SI: variants seen among roughly 807,000 people sequenced by gnomAD.
SI encodes sucrase-isomaltase, intestinal.
In SI, 235 loss-of-function variants were observed where a neutral mutation model predicts 253.3. That is an observed-to-expected ratio of 0.93 (90% confidence interval 0.83 to 1.03). The LOEUF (loss-of-function observed/expected upper bound fraction) is 1.03. Ranked by LOEUF, SI falls within the 50% of genes least tolerant of loss-of-function variation. The pLI, the probability that SI is intolerant of heterozygous loss-of-function variation, is 0.00. For missense variants in SI, 2,442 were observed against 2,211.1 expected (o/e 1.10, Z -2.09); for synonymous variants, 819 against 712.0 (o/e 1.15, Z -2.39).
intron 25 of SI, among the ~76,000 whole-genome samples, chr3:165,028,946 CT>C (rs1712075035): frequency 1.3e-5 from 2 of 151,512 alleles, no homozygotes; most frequent in Admixed American, 6.6e-5. Context: ...AAACTAAGAT[CT>C]TTTGCAGTGC....
chr3:165,043,198 AT>A, intron 16 of SI, 23 bp from the exon 17 acceptor site: 1 of 1,489,218 alleles, frequency 6.7e-7, no homozygotes, highest in Non-Finnish European at 9.3e-7. Context: ...TATATTTACT[AT>A]TTATAATGTT....
intron 36 of SI, 100 bp from the exon 37 acceptor site, chr3:165,007,054 G>A: frequency 2.2e-6 from 2 of 895,210 alleles, no homozygotes; most frequent in South Asian, 1.6e-5. Context: ...AAATTAATCA[G>A]TGTTTTATAA....
In SI at chr3:165,059,203, A is replaced by T; in HGVS notation, c.1243T>A (p.Leu415Met). ...ACATATTTCTGTCCATGGTCATGCAAATCTTGCACAAATTGAGGGAGTCCG... is the reference window on the plus strand; with the variant it reads ...ACATATTTCTGTCCATGGTCATGCATATCTTGCACAAATTGAGGGAGTCCG... ...FNGLPQFVQDLHDHGQKYVII... is the reference protein window; with the variant it reads ...FNGLPQFVQDMHDHGQKYVII... Residue 415 changes from leucine (L) to methionine (M), a missense_variant, in exon 11 of 48, where the codon TTG becomes ATG. Leu to Met is a conservative substitution (Grantham distance 15). Coordinates refer to ENST00000264382, the MANE Select transcript of SI (RefSeq NM_001041.4). 6.2e-7 allele frequency: 1 copy of T among 1,612,850 alleles called. No homozygotes were observed. The highest frequency in any genetic ancestry group is 1.7e-5 in the Admixed American group (1 of 59,788).
In SI at chr3:165,021,291, A is replaced by C; in HGVS notation, c.3192T>G (p.Asp1064Glu). The C allele has an allele frequency of 6.2e-7, 1 of 1,611,496 alleles. No individual in the cohort carries two copies. Among genetic ancestry groups the C allele is most frequent in the Non-Finnish European group, 8.5e-7 (1 of 1,178,216 alleles). ...PISTYEDRLY[D>E]VEIKENPFGI... ...CAAAAGGATTTTCCTTGATTTCCACATCATAAAGTCTGTCTTCATAAGTAC... is the reference window on the plus strand; with the variant it reads ...CAAAAGGATTTTCCTTGATTTCCACCTCATAAAGTCTGTCTTCATAAGTAC... Residue 1064 changes from aspartate (D) to glutamate (E), a missense_variant, in exon 27 of 48, where the codon GAT becomes GAG. Physicochemically the swap from Asp to Glu is conservative, Grantham distance 45 (BLOSUM62 2). Coordinates refer to ENST00000264382, the MANE Select transcript of SI (RefSeq NM_001041.4).
chr3:165,088,025 A>C, the SI span, among the ~76,000 whole-genome samples: 1 of 152,182 alleles, frequency 6.6e-6, no homozygotes, highest in African/African-American at 2.4e-5. Flanking sequence ...AAGACAATAA[A>C]AAATTCATAT....
At chr3:165,038,590 G>C (rs1712661315) in intron 20 of SI, among the ~76,000 whole-genome samples, 3 of 150,846 alleles carry the variant, frequency 2.0e-5, no homozygotes. Flanking sequence ...TTGCTCAAAA[G>C]GTCTTGTTCA....
upstream of SI, among the ~76,000 whole-genome samples, chr3:165,080,610 G>A (rs1715278139): frequency 6.6e-6 from 1 of 152,004 alleles, no homozygotes. Flanking sequence ...TAGGGACATG[G>A]ATGAAGCTGG....
At chr3:165,070,063 C>T (rs1018256572) in intron 3 of SI, among the ~76,000 whole-genome samples, 6 of 145,692 alleles carry the variant, frequency 4.1e-5, no homozygotes, top group South Asian at 2.1e-4. Context: ...CACACACACA[C>T]GTATATAATA....
At chr3:164,988,443 T>C (rs777449907) in intron 44 of SI, among the ~76,000 whole-genome samples, 22 of 152,198 alleles carry the variant, frequency 1.4e-4, no homozygotes, top group Non-Finnish European at 2.8e-4. Flanking sequence ...TACAACTTTC[T>C]ATACTGTACA....
chr3:165,015,877 T>A, intron 32 of SI, 75 bp downstream of exon 32: 2 of 1,293,940 alleles, frequency 1.5e-6, no homozygotes, highest in Middle Eastern at 1.9e-4. Context: ...TTGAAACATC[T>A]TCCCCCCCAC....
At chr3:165,064,135 T>A (rs1714111081) in intron 7 of SI, among the ~76,000 whole-genome samples, 5 of 151,934 alleles carry the variant, frequency 3.3e-5, no homozygotes, top group Admixed American at 3.3e-4. Flanking sequence ...GATAAGGTAA[T>A]GGCATGTTTA....
intron 21 of SI, 76 bp downstream of exon 21, chr3:165,037,824 C>T (rs1378707828): frequency 1.9e-6 from 2 of 1,066,564 alleles, no homozygotes; most frequent in Admixed American, 4.0e-5. Flanking sequence ...AATATTATCT[C>T]TAATTCTTAA....
chr3:165,080,812 T>A (rs1214011490), upstream of SI, among the ~76,000 whole-genome samples: 2 of 151,874 alleles, frequency 1.3e-5, no homozygotes, highest in African/African-American at 4.8e-5. Context: ...AATGACTAGT[T>A]AATGGGTGCA....
intron 9 of SI, among the ~76,000 whole-genome samples, chr3:165,060,811 A>G (rs1337313834): frequency 1.4e-5 from 2 of 147,308 alleles, no homozygotes; most frequent in African/African-American, 4.9e-5. Context: ...GCTTTTATAT[A>G]CATATCATAT....
rs566771130 is a variant in SI at position 165,067,365 on chromosome 3, T to C, written c.610A>G (p.Ile204Val). ...AAAGTTTTACCGTTGCTTTTCCTAATAACTTGGATGCTAAATGGGTTTTGG... is the reference window on the plus strand; with the variant it reads ...AAAGTTTTACCGTTGCTTTTCCTAACAACTTGGATGCTAAATGGGTTTTGG... Reference protein sequence around the residue: ...VAQNPFSIQVIRKSNGKTLFD... With the variant: ...VAQNPFSIQVVRKSNGKTLFD... Residue 204 changes from isoleucine (I) to valine (V), a missense_variant, in exon 6 of 48, where the codon ATT becomes GTT. Physicochemically the swap from Ile to Val is conservative, Grantham distance 29. Coordinates refer to ENST00000264382, the MANE Select transcript of SI (RefSeq NM_001041.4). The C allele has an allele frequency of 1.3e-5, 21 of 1,610,924 alleles. No individual in the cohort carries two copies. In the Admixed American group the frequency reaches 2.7e-4, roughly 20 times the overall value.
intron 13 of SI, among the ~76,000 whole-genome samples, chr3:165,050,427 C>T (rs1488973631): frequency 1.3e-5 from 2 of 152,032 alleles, no homozygotes; most frequent in African/African-American, 4.8e-5. Flanking sequence ...TGAGCATGAT[C>T]ACACTCTGAG....
At chr3:165,081,066 C>T (rs1188861958), upstream of SI, among the ~76,000 whole-genome samples, 1 of 151,742 alleles carries the variant, frequency 6.6e-6, no homozygotes, top group Non-Finnish European at 1.5e-5. Context: ...AACAATGAAC[C>T]TCAATCAATC....
intron 20 of SI, 95 bp from the exon 21 acceptor site, chr3:165,038,119 C>T (rs1712628032): frequency 2.6e-6 from 3 of 1,142,918 alleles, no homozygotes; most frequent in Non-Finnish European, 3.9e-6. Flanking sequence ...ATGAGCAATT[C>T]ATGTCATCCA....
At chr3:165,057,076 T>G (rs1432648353) in intron 12 of SI, among the ~76,000 whole-genome samples, 2 of 151,920 alleles carry the variant, frequency 1.3e-5, no homozygotes, top group African/African-American at 4.8e-5. Context: ...TTGGGGAAAT[T>G]CAGTGAAATC....
Sources: gnomAD v4.1 joint callset for allele counts (sites outside exome capture counted in the v4.1 genomes callset) on GRCh38, gnomAD v4.1.1 for gene constraint, MANE v1.5 for transcripts, NCBI Gene and HGNC (gene_info 2026-07-23, HGNC 2026-07-21) for gene names.